The following TNFAIP1 variants were observed in gnomAD, a reference collection of about 807,000 sequenced individuals.
TNFAIP1 encodes the protein BTB/POZ domain-containing adapter for CUL3-mediated RhoA degradation protein 2.
TNFAIP1 carries 20 observed loss-of-function variants against 32.6 expected under a neutral mutation model. The observed-to-expected ratio is 0.61, with a 90% CI of 0.43 to 0.89. The LOEUF is 0.89. Ranked by LOEUF, TNFAIP1 falls within the 40% of genes least tolerant of loss-of-function variation. TNFAIP1 has a pLI of 0.00. For missense variants in TNFAIP1, 319 were observed against 425.1 expected (o/e 0.75, Z 2.20); for synonymous variants, 166 against 166.8 (o/e 1.00, Z 0.04).
Position 28,340,502 on chromosome 17 carries a change from G to C in TNFAIP1, c.375+24G>C. 1 of 1,611,990 alleles carries C rather than the reference G, an allele frequency of 6.2e-7. No individual in the cohort carries two copies. The highest frequency in any genetic ancestry group is 8.5e-7 in the Non-Finnish European group (1 of 1,178,712). On this transcript the variant is annotated intron_variant, in intron 3 of 6. Coordinates refer to ENST00000226225, the MANE Select transcript of TNFAIP1 (RefSeq NM_021137.5). This position sits in a 1 kb window ranked among gnomAD's most constrained non-coding sequence, Gnocchi z 4.1. Reference sequence around the variant, plus strand: ...AGGTACATGGGTGGGGCGGAGCAGGGCGGGCAGATGAGGTCAGGAGTTGCC... The same window carrying C: ...AGGTACATGGGTGGGGCGGAGCAGGCCGGGCAGATGAGGTCAGGAGTTGCC...
At chr17:28,337,046 G>A (rs3093677) in intron 1 of TNFAIP1, among the ~76,000 whole-genome samples, 2 of 152,132 alleles carry the variant, frequency 1.3e-5, no homozygotes, top group African/African-American at 2.4e-5. Context: ...ATGAGCATTC[G>A]GTGAAATCAT....
rs555354014 is a variant in TNFAIP1 at position 28,346,044 on chromosome 17, A to C, written c.*1444A>C. On this transcript the variant is annotated 3_prime_UTR_variant, in exon 7 of 7. Transcript: ENST00000226225. ...CTGCTCTTTGGAGAGAACACAGGTT[A>C]TCAAGTTCATCTCTCTTGACTACTC... The C allele has an allele frequency of 6.6e-6, 1 of 152,244 alleles. No individual in the cohort carries two copies. The highest frequency in any genetic ancestry group is 2.4e-5 in the African/African-American group (1 of 41,458). 9.4% of individuals were successfully genotyped at this position (152,244 alleles called of 1,614,324 possible).
chr17:28,344,798 A>T lies in TNFAIP1; in HGVS notation c.*198A>T. The T allele has an allele frequency of 1.6e-6, 1 of 606,926 alleles. No homozygotes were observed. Among genetic ancestry groups the T allele is most frequent in the Non-Finnish European group, 2.9e-6 (1 of 342,030 alleles). The allele number at this position is 606,926 out of a possible 1,614,324, so 37.6% of individuals were successfully genotyped here. A position where few individuals can be genotyped will look rare whatever the true frequency, so the allele number is the denominator to read the frequency against. The stretch of plus-strand genomic sequence containing the variant: ...GCCTTGCCCCTGAGCACTTCTGGAG[A>T]CTGCGTCCTGTCCTATCTGCTCACC... On this transcript the variant is annotated 3_prime_UTR_variant, in exon 7 of 7. Transcript: ENST00000226225.
chr17:28,345,470 C>G lies in TNFAIP1; in HGVS notation c.*870C>G, dbSNP rs1409303689. On this transcript the variant is annotated 3_prime_UTR_variant, in exon 7 of 7. Coordinates refer to ENST00000226225, the MANE Select transcript of TNFAIP1 (RefSeq NM_021137.5). The stretch of plus-strand genomic sequence containing the variant: ...TCACATCACTGACTCCTAGGTCTAG[C>G]ACGACTGCTCTTTGTGATTCTCTTG... 1 of 152,294 alleles carries G rather than the reference C, an allele frequency of 6.6e-6. No individual in the cohort carries two copies. The highest frequency in any genetic ancestry group is 1.9e-4 in the East Asian group (1 of 5,202). 9.4% of individuals were successfully genotyped at this position (152,294 alleles called of 1,614,324 possible).
At position 28,344,529 on chromosome 17, in the gene TNFAIP1, C is replaced by T. The variant is rs375777138; in HGVS notation, c.880C>T (p.Arg294Cys). 7.4e-6 allele frequency: 12 copies of T among 1,613,766 alleles called. No homozygotes were observed. Among genetic ancestry groups the T allele is most frequent in the African/African-American group, 2.7e-5 (2 of 74,922 alleles). Residue 294 changes from arginine to cysteine, a missense_variant, in exon 7 of 7, where the codon CGC becomes TGC. Physicochemically the swap from Arg to Cys is radical, Grantham distance 180. Coordinates refer to ENST00000226225, the MANE Select transcript of TNFAIP1 (RefSeq NM_021137.5). ...ETFELRDRVR[R>C]IHVKRYSTYD... ...CTTTGAACTGCGGGACCGTGTCCGCCGCATCCACGTCAAGCGCTACAGCAC... is the reference window on the plus strand; with the variant it reads ...CTTTGAACTGCGGGACCGTGTCCGCTGCATCCACGTCAAGCGCTACAGCAC...
chr17:28,341,904 C>T (rs2142385154), intron 5 of TNFAIP1, among the ~76,000 whole-genome samples: 1 of 152,306 alleles, frequency 6.6e-6, no homozygotes, highest in South Asian at 2.1e-4. Flanking sequence ...CCCTATGATT[C>T]CCTGTGGCCA....
intron 1 of TNFAIP1, among the ~76,000 whole-genome samples, chr17:28,338,717 G>T (rs574024976): frequency 3.9e-5 from 6 of 152,162 alleles, no homozygotes; most frequent in African/African-American, 1.2e-4. Context: ...AGTAGGTTTG[G>T]TTGGAAGTCT....
chr17:28,346,715 A>G lies in TNFAIP1; in HGVS notation c.*2115A>G, dbSNP rs1907581987. 1 of 152,224 alleles carries G rather than the reference A, an allele frequency of 6.6e-6. No individual in the cohort carries two copies. The highest frequency in any genetic ancestry group is 6.5e-5 in the Admixed American group (1 of 15,282). 9.4% of individuals were successfully genotyped at this position (152,224 alleles called of 1,614,324 possible). Reference sequence around the variant, plus strand: ...AAGTTTCCAGCCCTATTCAGAAAGCAACTCTTGGCTGTGTGCATTTTTCAA... The same window carrying G: ...AAGTTTCCAGCCCTATTCAGAAAGCGACTCTTGGCTGTGTGCATTTTTCAA... On this transcript the variant is annotated 3_prime_UTR_variant, in exon 7 of 7. Coordinates refer to ENST00000226225, the MANE Select transcript of TNFAIP1 (RefSeq NM_021137.5).
chr17:28,344,363 G>T lies in TNFAIP1; in HGVS notation c.715-1G>T. On this transcript the variant is annotated splice_acceptor_variant, in intron 6 of 6. Transcript: ENST00000226225. LOFTEE classifies it high-confidence loss of function. ...TCCACCTTCTTCCTCCCTAACCCCA[G>T]GTGGAATTCCCAGAGGCCCGAATCT... The T allele has an allele frequency of 6.2e-7, 1 of 1,612,680 alleles. No homozygotes were observed. The highest frequency in any genetic ancestry group is 8.5e-7 in the Non-Finnish European group (1 of 1,179,242).
Position 28,344,684 on chromosome 17 carries a change from T to G in TNFAIP1, c.*84T>G. The G allele has an allele frequency of 1.5e-6, 2 of 1,372,266 alleles. No homozygotes were observed. The highest frequency in any genetic ancestry group is 2.4e-5 in the South Asian group (2 of 82,436). The allele number at this position is 1,372,266 out of a possible 1,614,324, so 85.0% of individuals were successfully genotyped here. On this transcript the variant is annotated 3_prime_UTR_variant, in exon 7 of 7. Transcript: ENST00000226225. ...CCCATTGGCCACCCCATGCTGCTGC[T>G]GCCTGGGTCTCTGCTCTAGCACCCA...
At chr17:28,336,707 C>A (rs1202946203) in intron 1 of TNFAIP1, among the ~76,000 whole-genome samples, 1 of 152,168 alleles carries the variant, frequency 6.6e-6, no homozygotes, top group East Asian at 1.9e-4. Context: ...GTTTCTTAGT[C>A]ATTGGCAACC....
chr17:28,341,521 CCAGCACGG>C, intron 5 of TNFAIP1, 65 bp downstream of exon 5: 1 of 1,582,912 alleles, frequency 6.3e-7, no homozygotes, highest in Non-Finnish European at 8.7e-7. Context: ...GCCTGTACTC[CCAGCACGG>C]TCGGCGTGGG....
Position 28,340,345 on chromosome 17 carries a change from G to A in TNFAIP1, c.242G>A (p.Gly81Asp), listed in dbSNP as rs377434381. The stretch of plus-strand genomic sequence containing the variant: ...ATAGACCGTTGTGGAAAGCACTTTG[G>A]CACCATTTTGAATTACCTCCGAGAT... ...ILIDRCGKHFGTILNYLRDDT... is the reference protein window; with the variant it reads ...ILIDRCGKHFDTILNYLRDDT... The change falls in exon 3 of 7, where the codon GGC becomes GAC. Residue 81 changes from glycine (G) to aspartate (D), a missense_variant. Transcript: ENST00000226225. This position sits in a 1 kb window ranked among gnomAD's most constrained non-coding sequence, Gnocchi z 4.1. The A allele has an allele frequency of 3.1e-6, 5 of 1,613,788 alleles. No homozygotes were observed. Among genetic ancestry groups the A allele is most frequent in the Non-Finnish European group, 2.5e-6 (3 of 1,179,934 alleles).
rs1434261072 is a variant in TNFAIP1, at chr17:28,345,642, C to G, written c.*1042C>G. 2 of 152,310 alleles carry G rather than the reference C, an allele frequency of 1.3e-5. No homozygotes were observed. The highest frequency in any genetic ancestry group is 4.8e-5 in the African/African-American group (2 of 41,466). The allele number at this position is 152,310 out of a possible 1,614,324, so 9.4% of individuals were successfully genotyped here. A position where few individuals can be genotyped will look rare whatever the true frequency, so the allele number is the denominator to read the frequency against. ...GGCTGGCATGCCCATCAGCTGAGGA[C>G]AGCAAACTCCCAGCAGCCCCTACAG... On this transcript the variant is annotated 3_prime_UTR_variant, in exon 7 of 7. Coordinates refer to ENST00000226225, the MANE Select transcript of TNFAIP1 (RefSeq NM_021137.5).
chr17:28,336,724 T>C (rs1907178260), intron 1 of TNFAIP1, among the ~76,000 whole-genome samples: 1 of 152,124 alleles, frequency 6.6e-6, no homozygotes, highest in Non-Finnish European at 1.5e-5. Context: ...AACCTCCTGG[T>C]GAGGGCTCAC....
chr17:28,341,541 C>A lies in TNFAIP1; in HGVS notation c.518+85C>A. 2.7e-6 allele frequency: 4 copies of A among 1,491,190 alleles called. No homozygotes were observed. In the South Asian group the frequency reaches 3.4e-5, roughly 13 times the overall value. 92.4% of individuals were successfully genotyped at this position (1,491,190 alleles called of 1,614,324 possible). A position where few individuals can be genotyped will look rare whatever the true frequency, so the allele number is the denominator to read the frequency against. ...TACTCCCAGCACGGTCGGCGTGGGT[C>A]TGGGCCTGGGTCTTGGAACTGGCTG... is the stretch of plus-strand genomic sequence containing the variant. On this transcript the variant is annotated intron_variant, in intron 5 of 6. Transcript: ENST00000226225.
chr17:28,346,550 A>AGTCTGGGACTGG lies in TNFAIP1; in HGVS notation c.*1952_*1963dup, dbSNP rs1907575277. On this transcript the variant is annotated 3_prime_UTR_variant, in exon 7 of 7. Coordinates refer to ENST00000226225, the MANE Select transcript of TNFAIP1 (RefSeq NM_021137.5). Reference sequence around the variant, plus strand: ...GTCTTTTTTGCCGAGAAAGCACAGTAGTCTGGGACTGGGCATTTATCTTCT... The same window carrying AGTCTGGGACTGG: ...GTCTTTTTTGCCGAGAAAGCACAGTAGTCTGGGACTGGGTCTGGGACTGGGCATTTATCTTCT... 1 of 152,242 alleles carries AGTCTGGGACTGG rather than the reference A, an allele frequency of 6.6e-6. No homozygotes were observed. Among genetic ancestry groups the AGTCTGGGACTGG allele is most frequent in the African/African-American group, 2.4e-5 (1 of 41,464 alleles). 9.4% of individuals were successfully genotyped at this position (152,242 alleles called of 1,614,324 possible).
In TNFAIP1 at chr17:28,342,005, G is replaced by A. The variant is rs1200995997; in HGVS notation, c.519-242G>A. Among the ~76,000 whole-genome samples, 1 of 152,216 alleles carries A rather than the reference G, an allele frequency of 6.6e-6. No homozygotes were observed. The highest frequency in any genetic ancestry group is 1.5e-5 in the Non-Finnish European group (1 of 68,028). ...TCTCCTTCCTTCCAGGGTTAGTGAG[G>A]GGAGACCTCCTTCCTCAGCTGTCCC... On this transcript the variant is annotated intron_variant, in intron 5 of 6. Transcript: ENST00000226225. The surrounding 1 kb of genome is among the most constrained non-coding windows in gnomAD (Gnocchi z 4.0).
In TNFAIP1 at chr17:28,342,018, C is replaced by T. The variant is rs782086438; in HGVS notation, c.519-229C>T. On this transcript the variant is annotated intron_variant, in intron 5 of 6. Transcript: ENST00000226225. The surrounding 1 kb of genome is among the most constrained non-coding windows in gnomAD (Gnocchi z 4.0). ...AGGGTTAGTGAGGGGAGACCTCCTT[C>T]CTCAGCTGTCCCTACTTTGACTTAA... is the stretch of plus-strand genomic sequence containing the variant. 2.6e-5 allele frequency among the ~76,000 whole-genome samples: 4 copies of T among 152,218 alleles called. No individual in the cohort carries two copies. The highest frequency in any genetic ancestry group is 5.9e-5 in the Non-Finnish European group (4 of 68,034).
Sources: gnomAD v4.1 joint callset for allele counts (sites outside exome capture counted in the v4.1 genomes callset) on GRCh38, gnomAD v4.1.1 for gene constraint, Gnocchi (gnomAD v3.1) non-coding constraint, MANE v1.5 for transcripts, NCBI Gene and HGNC (gene_info 2026-07-23, HGNC 2026-07-21) for gene names.